Variants in RSRP1 observed in about 807,000 individuals in gnomAD.
RSRP1 encodes the protein arginine and serine rich protein 1, also known as arginine/serine-rich protein 1.
Under a neutral mutation model 33.0 loss-of-function variants are expected in RSRP1, and 37 were observed. That is an observed-to-expected ratio of 1.12 (90% CI 0.86 to 1.48). The LOEUF (loss-of-function observed/expected upper bound fraction) is 1.48, where lower values mean the gene tolerates loss of function less well. Among genes scored for constraint, RSRP1 ranks in the 40% most tolerant of loss-of-function variants. The pLI, the probability that RSRP1 is intolerant of heterozygous loss-of-function variation, is 0.00. For synonymous variants in RSRP1, 167 were observed against 158.7 expected, an observed-to-expected ratio of 1.05 and a Z score of -0.40; for missense variants, 402 against 385.3, an observed-to-expected ratio of 1.04 and a Z score of -0.36.
chr1:25,295,193 ACATCT>A (rs1237340993), intron 1 of RSRP1, among the ~76,000 whole-genome samples: 2 of 113,460 alleles, frequency 1.8e-5, no homozygotes, highest in African/African-American at 3.2e-5. Flanking sequence ...GCCTGGGTAC[ACATCT>A]CAGCTCAACC....
chr1:25,286,513 G>T (rs532499389), intron 1 of RSRP1, among the ~76,000 whole-genome samples: 1 of 134,948 alleles, frequency 7.4e-6, no homozygotes, highest in Non-Finnish European at 1.8e-5. Context: ...GGGGCCGGGC[G>T]CAGTGGTTCA....
At chr1:25,286,890 C>G (rs1273180537) in intron 1 of RSRP1, among the ~76,000 whole-genome samples, 6 of 134,400 alleles carry the variant, frequency 4.5e-5, no homozygotes, top group African/African-American at 1.3e-4. Context: ...GTCAGGAGTC[C>G]GAGACCAACC....
At chr1:25,244,654 T>C (rs948541309) in intron 3 of RSRP1, 4 of 1,222,968 alleles carry the variant, frequency 3.3e-6, no homozygotes, top group Non-Finnish European at 4.2e-6. Flanking sequence ...ATAACGGTGT[T>C]ATAAGAGTAC....
At chr1:25,319,939 C>T (rs1436888318) in intron 1 of RSRP1, among the ~76,000 whole-genome samples, 7 of 130,832 alleles carry the variant, frequency 5.4e-5, no homozygotes, top group African/African-American at 1.8e-4. Flanking sequence ...GCTCTTGTTG[C>T]CCAGGCTGGA....
In RSRP1 at chr1:25,282,328, G is replaced by A. The variant is rs546311217; in HGVS notation, c.-66-35299C>T. Among the ~76,000 whole-genome samples, 288 of 131,024 alleles carry A rather than the reference G, an allele frequency of 2.2e-3. 72 individuals are homozygous for A. The highest frequency in any genetic ancestry group is 3.8e-3 in the Non-Finnish European group (213 of 55,334). 86.0% of individuals were successfully genotyped at this position (131,024 alleles called of 152,430 possible). On this transcript the variant is annotated intron_variant, in intron 1 of 1. Coordinates refer to the RSRP1 transcript ENST00000561867. ...CAGCTCACTGCAACCTCTGCCTCCC[G>A]GGTTCAAGCGATTCTCCTGCCTGCC...
At chr1:25,278,985 G>A (rs1641246429) in intron 1 of RSRP1, among the ~76,000 whole-genome samples, 1 of 129,634 alleles carries the variant, frequency 7.7e-6, no homozygotes, top group Admixed American at 7.5e-5. Context: ...GAGTGAAGCT[G>A]GGTGTGACTT....
upstream of RSRP1, among the ~76,000 whole-genome samples, chr1:25,249,715 T>C (rs1055056954): frequency 2.6e-5 from 4 of 152,176 alleles, no homozygotes; most frequent in African/African-American, 9.7e-5. Flanking sequence ...GCTGGTGTAT[T>C]TGTCTCAAAA....
chr1:25,333,225 G>T (rs1325963813), intron 1 of RSRP1, among the ~76,000 whole-genome samples: 1 of 131,856 alleles, frequency 7.6e-6, no homozygotes, highest in Non-Finnish European at 1.8e-5. Context: ...ATCTCTTCTG[G>T]AAATACCCTC....
chr1:25,285,652 C>T lies in RSRP1; in HGVS notation c.-66-38623G>A, dbSNP rs142300527. On this transcript the variant is annotated intron_variant, in intron 1 of 1. Coordinates refer to the RSRP1 transcript ENST00000561867. ...TGATTAGGAAGGAACACAAAATAACCGCATGGGGTGCAGAAAATGTTCTCT... is the reference window on the plus strand; with the variant it reads ...TGATTAGGAAGGAACACAAAATAACTGCATGGGGTGCAGAAAATGTTCTCT... 1.1e-3 allele frequency among the ~76,000 whole-genome samples: 143 copies of T among 135,266 alleles called. 9 individuals are homozygous for T. Among genetic ancestry groups the T allele is most frequent in the East Asian group, 7.7e-4 (4 of 5,162 alleles). The allele number at this position is 135,266 out of a possible 152,430, so 88.7% of individuals were successfully genotyped here.
At chr1:25,287,766 G>T (rs1477813354) in intron 1 of RSRP1, among the ~76,000 whole-genome samples, 1 of 134,924 alleles carries the variant, frequency 7.4e-6, no homozygotes, top group Admixed American at 7.1e-5. Context: ...CTGTTGCCCA[G>T]TCTGGAGTGC....
chr1:25,289,036 C>T (rs1193693823), intron 1 of RSRP1, among the ~76,000 whole-genome samples: 1 of 133,794 alleles, frequency 7.5e-6, no homozygotes, highest in Non-Finnish European at 1.8e-5. Flanking sequence ...TGAGTCCAGA[C>T]TTCAGAGCAC....
Position 25,306,726 on chromosome 1 carries a change from G to A in RSRP1, c.-67+31252C>T, listed in dbSNP as rs371135217. 6.0e-5 allele frequency: 82 copies of A among 1,377,078 alleles called. 28 individuals carry two copies. The highest frequency in any genetic ancestry group is 7.6e-5 in the Non-Finnish European group (74 of 978,190). 85.3% of individuals were successfully genotyped at this position (1,377,078 alleles called of 1,614,324 possible). On this transcript the variant is annotated intron_variant, in intron 1 of 1. Coordinates refer to the RSRP1 transcript ENST00000561867. ...CTTGATACCGTCGGAGCCGGCAATG[G>A]CATGTGGGTCACTGGGCTTACCCCC...
rs1425954084 is a variant in RSRP1, at chr1:25,299,343, G to C, written c.-67+38635C>G. On this transcript the variant is annotated intron_variant, in intron 1 of 1. Coordinates refer to the RSRP1 transcript ENST00000561867. Reference sequence around the variant, plus strand: ...GTTGCAGTGAGCCAAGATGGCACCAGTGCACTCTAGCCTGGCGACAGAGTG... The same window carrying C: ...GTTGCAGTGAGCCAAGATGGCACCACTGCACTCTAGCCTGGCGACAGAGTG... Among the ~76,000 whole-genome samples the C allele has an allele frequency of 1.6e-3, 202 of 130,082 alleles. 4 individuals are homozygous for C. The highest frequency in any genetic ancestry group is 4.4e-3 in the African/African-American group (164 of 37,222). The allele number at this position is 130,082 out of a possible 152,430, so 85.3% of individuals were successfully genotyped here. A position where few individuals can be genotyped will look rare whatever the true frequency, so the allele number is the denominator to read the frequency against.
intron 4 of RSRP1, 87 bp from the exon 5 acceptor site, chr1:25,242,792 T>C: frequency 1.1e-6 from 1 of 948,638 alleles, no homozygotes; most frequent in Non-Finnish European, 1.6e-6. Context: ...ATCCCATGTA[T>C]GAGCCTTAGA....
chr1:25,321,168 T>C (rs1344938716), intron 1 of RSRP1, among the ~76,000 whole-genome samples: 1 of 128,962 alleles, frequency 7.8e-6, no homozygotes, highest in Admixed American at 7.6e-5. Flanking sequence ...TTCCCAGGAG[T>C]TGACTGGAGC....
chr1:25,247,139 G>T (rs1363821171), intron 1 of RSRP1, 110 bp from the exon 2 acceptor site: 3 of 670,216 alleles, frequency 4.5e-6, no homozygotes, highest in Admixed American at 3.5e-5. Flanking sequence ...CGCGGGCGGC[G>T]ACCGCCGCGA....
At chr1:25,276,532 T>TAAAAAAAAAAAAAAAAAAAAAAACAA (rs1641004455) in intron 1 of RSRP1, among the ~76,000 whole-genome samples, 1 of 64,786 alleles carries the variant, frequency 1.5e-5, no homozygotes, top group African/African-American at 7.2e-5. Flanking sequence ...CCCCCATCTC[T>TAAAAAAAAAAAAAAAAAAAAAAACAA]AAAAAAAAAA....
chr1:25,257,955 A>G lies in RSRP1; in HGVS notation c.-66-10926T>C, dbSNP rs149665505. 5.8e-3 allele frequency among the ~76,000 whole-genome samples: 880 copies of G among 152,220 alleles called. 10 individuals carry two copies. Among genetic ancestry groups the G allele is most frequent in the African/African-American group, 0.02 (819 of 41,546 alleles). ...CAGACTTTGGGGAGCCATGAGTGTC[A>G]ACATCTACTTGTGAAGCAGCAGGAT... On this transcript the variant is annotated intron_variant, in intron 1 of 1. Coordinates refer to the RSRP1 transcript ENST00000561867.
chr1:25,334,589 C>T (rs1218085569), intron 1 of RSRP1, among the ~76,000 whole-genome samples: 2 of 133,510 alleles, frequency 1.5e-5, no homozygotes, highest in South Asian at 2.3e-4. Flanking sequence ...CCCTTCTGCA[C>T]TGCCCTGGCA....
Sources: allele counts gnomAD v4.1 joint callset (sites outside exome capture counted in the v4.1 genomes callset), GRCh38; gene constraint gnomAD v4.1.1; transcripts MANE v1.5; gene names NCBI Gene and HGNC (gene_info 2026-07-23, HGNC 2026-07-21).